CTNNA2: variants seen among roughly 807,000 people sequenced by gnomAD.
CTNNA2 encodes the protein catenin alpha 2, also known as catenin alpha-2.
In CTNNA2, 42 loss-of-function variants were observed where a neutral mutation model predicts 101.0. The observed-to-expected ratio is 0.42, with a 90% CI of 0.32 to 0.54. The LOEUF (loss-of-function observed/expected upper bound fraction) is 0.54, where lower values mean the gene tolerates loss of function less well. Among genes scored for constraint, CTNNA2 ranks in the 20% least tolerant of loss-of-function variants. The probability of loss-of-function intolerance (pLI) is 0.14; values close to 1 mark genes in which losing one functional copy is unlikely to be tolerated. For missense variants in CTNNA2, 871 were observed against 1,223.1 expected (o/e 0.71, Z 4.29); for synonymous variants, 450 against 456.4 (o/e 0.99, Z 0.18).
chr2:80,469,276 A>G (rs1685099973), intron 9 of CTNNA2, among the ~76,000 whole-genome samples: 1 of 152,226 alleles, frequency 6.6e-6, no homozygotes, highest in South Asian at 2.1e-4. Context: ...GAAGTTCATT[A>G]TATGCCTGAA....
In CTNNA2 at chr2:80,173,611, C is replaced by A. The variant is rs560514680; in HGVS notation, c.1057-219600C>A. On this transcript the variant is annotated intron_variant, in intron 7 of 18. Coordinates refer to ENST00000402739, the MANE Select transcript of CTNNA2 (RefSeq NM_001282597.3). ...ACTTCACTGGAGAAGGTATAGTTTC[C>A]TCGCACTGGATGGTAAACACGTTTT... Among the ~76,000 whole-genome samples, 4 of 152,264 alleles carry A rather than the reference C, an allele frequency of 2.6e-5. No homozygotes were observed. The South Asian group carries it at 6.2e-4, about 24-fold the overall frequency.
At chr2:79,275,469 A>G (rs1048471392) in intron 2 of CTNNA2, among the ~76,000 whole-genome samples, 3 of 152,060 alleles carry the variant, frequency 2.0e-5, no homozygotes, top group Non-Finnish European at 4.4e-5. Context: ...GATGTCAAGT[A>G]ATCTTCACAG....
At chr2:80,632,259 C>T (rs1672376233) in intron 18 of CTNNA2, among the ~76,000 whole-genome samples, 1 of 150,668 alleles carries the variant, frequency 6.6e-6, no homozygotes, top group Non-Finnish European at 1.5e-5. Flanking sequence ...GCTATGGCAA[C>T]ATGACCCCCC....
intron 7 of CTNNA2, among the ~76,000 whole-genome samples, chr2:80,320,490 A>G (rs1320283102): frequency 6.6e-6 from 1 of 152,194 alleles, no homozygotes; most frequent in African/African-American, 2.4e-5. Context: ...TGCTCGCCTC[A>G]TAGAGTAATT....
At chr2:80,304,811 A>C (rs1377947550) in intron 7 of CTNNA2, 2 of 152,314 alleles carry the variant, frequency 1.3e-5, no homozygotes. Context: ...CAGATTGAAA[A>C]GGGGTGGGCA....
chr2:79,859,803 A>G (rs146605455), intron 4 of CTNNA2, among the ~76,000 whole-genome samples: 41 of 152,250 alleles, frequency 2.7e-4, no homozygotes, highest in Non-Finnish European at 5.6e-4. Context: ...GAGTCAGAGT[A>G]ACTGGGTTTC....
intron 1 of CTNNA2, among the ~76,000 whole-genome samples, chr2:79,593,204 G>T (rs1030006030): frequency 3.9e-5 from 6 of 152,102 alleles, no homozygotes; most frequent in African/African-American, 1.4e-4. Context: ...ATAGTTGAAT[G>T]ACTCTAATGA....
chr2:79,575,260 T>G (rs564514544), intron 1 of CTNNA2, among the ~76,000 whole-genome samples: 134 of 152,302 alleles, frequency 8.8e-4, no homozygotes, highest in Non-Finnish European at 1.6e-3. Flanking sequence ...TTATAGGGAT[T>G]CCTCATGCCT....
At position 80,546,013 on chromosome 2, in the gene CTNNA2, C is replaced by T. The variant is rs1405404977; in HGVS notation, c.1490C>T (p.Thr497Ile). ...DQWEKQVRVLTEAVDDITSVD... is the reference protein window; with the variant it reads ...DQWEKQVRVLIEAVDDITSVD... ...TGGGAGAAGCAGGTCCGAGTGTTGA[C>T]AGAGGCCGTGGATGACATCACCTCA... Residue 497 changes from threonine (T) to isoleucine (I), a missense_variant, in exon 11 of 19, where the codon ACA (threonine) becomes ATA (isoleucine). Physicochemically the swap from Thr to Ile is moderately conservative, Grantham distance 89. Coordinates refer to ENST00000402739, the MANE Select transcript of CTNNA2 (RefSeq NM_001282597.3). The T allele has an allele frequency of 2.5e-6, 4 of 1,614,090 alleles. No individual in the cohort carries two copies. Among genetic ancestry groups the T allele is most frequent in the Non-Finnish European group, 3.4e-6 (4 of 1,180,000 alleles).
intron 4 of CTNNA2, among the ~76,000 whole-genome samples, chr2:79,425,115 A>C (rs1354226632): frequency 6.6e-6 from 1 of 152,138 alleles, no homozygotes; most frequent in East Asian, 1.9e-4. Context: ...AAAGGCAATA[A>C]AAAATCCTGT....
intron 7 of CTNNA2, among the ~76,000 whole-genome samples, chr2:80,308,117 T>C (rs1259959411): frequency 6.6e-6 from 1 of 152,220 alleles, no homozygotes; most frequent in East Asian, 1.9e-4. Context: ...TTTTTCGTGG[T>C]ACTCTATGTT....
At chr2:80,200,903 G>C (rs905803814) in intron 7 of CTNNA2, among the ~76,000 whole-genome samples, 19 of 151,880 alleles carry the variant, frequency 1.3e-4, no homozygotes, top group Non-Finnish European at 2.1e-4. Context: ...AGTGTCTTGG[G>C]ATGGGATCCA....
chr2:79,903,231 T>C (rs1685195740), intron 6 of CTNNA2, among the ~76,000 whole-genome samples: 1 of 152,156 alleles, frequency 6.6e-6, no homozygotes. Flanking sequence ...ATTGACATTC[T>C]ACATTTTTCT....
chr2:80,595,362 CT>C (rs374248276), intron 15 of CTNNA2, among the ~76,000 whole-genome samples: 1 of 152,010 alleles, frequency 6.6e-6, no homozygotes, highest in Admixed American at 6.6e-5. Flanking sequence ...TTTACCAGGA[CT>C]TTTTTTAAAG....
At chr2:79,992,133 T>C (rs943611957) in intron 7 of CTNNA2, among the ~76,000 whole-genome samples, 1 of 152,168 alleles carries the variant, frequency 6.6e-6, no homozygotes, top group Non-Finnish European at 1.5e-5. Flanking sequence ...ATGTAATTTA[T>C]CTTTCAGAGA....
chr2:79,327,200 C>T (rs1676766490), intron 3 of CTNNA2, among the ~76,000 whole-genome samples: 1 of 152,186 alleles, frequency 6.6e-6, no homozygotes. Context: ...TTGTCTAATG[C>T]ATAACATGTA....
chr2:80,252,243 A>G (rs1671823368), intron 7 of CTNNA2, among the ~76,000 whole-genome samples: 1 of 152,190 alleles, frequency 6.6e-6, no homozygotes, highest in East Asian at 1.9e-4. Flanking sequence ...AACCTTGCAC[A>G]TAGTTACTGC....
intron 3 of CTNNA2, among the ~76,000 whole-genome samples, chr2:79,817,995 G>C (rs944946371): frequency 6.6e-5 from 10 of 152,068 alleles, no homozygotes; most frequent in Non-Finnish European, 1.3e-4. Context: ...TTCGCATATT[G>C]GGCTTCAATT....
At chr2:80,496,115 T>C (rs569248735) in intron 9 of CTNNA2, among the ~76,000 whole-genome samples, 10 of 152,200 alleles carry the variant, frequency 6.6e-5, no homozygotes, top group African/African-American at 1.7e-4. Context: ...AGGACTCTCC[T>C]ATAGGTTTCG....
Sources: gnomAD v4.1 joint callset for allele counts (sites outside exome capture counted in the v4.1 genomes callset) on GRCh38, gnomAD v4.1.1 for gene constraint, MANE v1.5 for transcripts, NCBI Gene and HGNC (gene_info 2026-07-23, HGNC 2026-07-21) for gene names.